The following DENND4C variants were observed in gnomAD, a reference collection of about 807,000 sequenced individuals.
DENND4C encodes the protein DENN domain containing 4C, also known as DENN domain-containing protein 4C.
A neutral mutation model predicts 203.0 loss-of-function variants in DENND4C; 108 were observed. The ratio of observed to expected loss-of-function variants is 0.53; its 90% CI spans 0.46 to 0.62. The LOEUF (loss-of-function observed/expected upper bound fraction) is 0.62. DENND4C is among the 20% of genes least tolerant of loss of function. The probability of loss-of-function intolerance (pLI) is 0.00; values close to 1 mark genes in which losing one functional copy is unlikely to be tolerated. For synonymous variants in DENND4C, 871 were observed against 792.4 expected, an observed-to-expected ratio of 1.10 and a Z score of -1.67; for missense variants, 2,481 against 2,301.2, an observed-to-expected ratio of 1.08 and a Z score of -1.60.
chr9:19,342,940 T>A (rs940639483), intron 22 of DENND4C, among the ~76,000 whole-genome samples, 161 bp downstream of exon 22: 1 of 152,184 alleles, frequency 6.6e-6, no homozygotes, highest in African/African-American at 2.4e-5. Flanking sequence ...ATTGAAAATA[T>A]TGTTATTTAA....
At chr9:19,336,194 C>A in intron 18 of DENND4C, 76 bp from the exon 19 acceptor site, 4 of 1,246,228 alleles carry the variant, frequency 3.2e-6, no homozygotes, top group Non-Finnish European at 4.4e-6. Flanking sequence ...TAAACATACA[C>A]ACACACATAT....
At chr9:19,241,312 G>A (rs1312955337) in intron 1 of DENND4C, among the ~76,000 whole-genome samples, 4 of 151,968 alleles carry the variant, frequency 2.6e-5, no homozygotes, top group African/African-American at 9.7e-5. Flanking sequence ...AAATACAAAC[G>A]CATTTTACAG....
chr9:19,346,819 C>G lies in DENND4C; in HGVS notation c.4050C>G (p.Ser1350=), dbSNP rs1029040142. 1.9e-6 allele frequency: 3 copies of G among 1,614,032 alleles called. No homozygotes were observed. The highest frequency in any genetic ancestry group is 2.2e-5 in the East Asian group (1 of 44,888). Residue 1350 remains serine (S), a synonymous_variant, in exon 23 of 33, where the codon TCC becomes TCG. Coordinates refer to ENST00000434457, the MANE Select transcript of DENND4C (RefSeq NM_001330640.2). ...PESEKSSPAV[S]RSKTFTGRFK... ...GTGAAAAGAGCTCACCTGCAGTGTC[C>G]AGGTCTAAAACTTTTACTGGGCGTT...
intron 5 of DENND4C, 87 bp downstream of exon 5, chr9:19,290,963 G>T: frequency 1.5e-6 from 2 of 1,313,992 alleles, no homozygotes. Context: ...TGAATGTTAG[G>T]ATTATTTGGA....
At chr9:19,276,908 A>C (rs1032209459) in intron 2 of DENND4C, among the ~76,000 whole-genome samples, 1 of 152,014 alleles carries the variant, frequency 6.6e-6, no homozygotes, top group African/African-American at 2.4e-5. Flanking sequence ...TTTTAAATAC[A>C]GTTGTAACGT....
intron 21 of DENND4C, among the ~76,000 whole-genome samples, 193 bp downstream of exon 21, chr9:19,341,307 CT>C (rs1369671422): frequency 7.5e-6 from 1 of 132,670 alleles, no homozygotes; most frequent in South Asian, 2.3e-4. Context: ...AACTTTCTTT[CT>C]TTCTTTTTTT....
rs577625941 is a variant in DENND4C at position 19,295,066 on chromosome 9, C to T, written c.802-942C>T. On this transcript the variant is annotated intron_variant, in intron 5 of 32. Coordinates refer to ENST00000434457, the MANE Select transcript of DENND4C (RefSeq NM_001330640.2). ...GGTACGTTTAATGTTATATATATTT[C>T]ACCCCAATTAAAAAAAAATCACAGG... Among the ~76,000 whole-genome samples the T allele has an allele frequency of 8.5e-5, 13 of 152,242 alleles. No homozygotes were observed. The East Asian group carries it at 2.5e-3, about 29-fold the overall frequency.
intron 2 of DENND4C, among the ~76,000 whole-genome samples, chr9:19,278,601 A>C (rs1004984347): frequency 6.6e-6 from 1 of 152,198 alleles, no homozygotes; most frequent in Non-Finnish European, 1.5e-5. Context: ...ACTCAGGCTG[A>C]AAAAGAGAAA....
chr9:19,335,768 C>G (rs773618552), intron 18 of DENND4C, among the ~76,000 whole-genome samples: 6 of 152,018 alleles, frequency 3.9e-5, no homozygotes, highest in Non-Finnish European at 8.8e-5. Flanking sequence ...TTGATAAACA[C>G]TTAGGTTGAT....
chr9:19,234,472 C>T (rs1481987558), intron 1 of DENND4C, among the ~76,000 whole-genome samples: 1 of 151,468 alleles, frequency 6.6e-6, no homozygotes, highest in Non-Finnish European at 1.5e-5. Context: ...ACTCGTTATC[C>T]ACCCACCTTG....
At chr9:19,262,072 AGTTCTTTTTTT>A (rs1234728196) in intron 1 of DENND4C, among the ~76,000 whole-genome samples, 1 of 86,356 alleles carries the variant, frequency 1.2e-5, no homozygotes, top group African/African-American at 4.1e-5. Context: ...TGAATTTATT[AGTTCTTTTTTT>A]TTTTTTTTTT....
At chr9:19,276,115 A>G in intron 1 of DENND4C, 43 bp from the exon 2 acceptor site, 1 of 1,042,644 alleles carries the variant, frequency 9.6e-7, no homozygotes, top group Non-Finnish European at 1.2e-6. Context: ...TTGTCAGGAT[A>G]AAGTATTTTA....
chr9:19,366,801 A>C (rs1827777085), intron 30 of DENND4C, among the ~76,000 whole-genome samples: 1 of 152,338 alleles, frequency 6.6e-6, no homozygotes, highest in East Asian at 1.9e-4. Flanking sequence ...TAGTTAGGCA[A>C]GGCCTTCAAA....
At chr9:19,351,968 C>A (rs550904667) in intron 24 of DENND4C, 105 bp from the exon 25 acceptor site, 3 of 829,240 alleles carry the variant, frequency 3.6e-6, no homozygotes, top group Non-Finnish European at 5.9e-6. Flanking sequence ...ACTTGAAAAA[C>A]AGTTGCAGAC....
At chr9:19,341,372 C>A (rs889386540) in intron 21 of DENND4C, among the ~76,000 whole-genome samples, 2 of 144,884 alleles carry the variant, frequency 1.4e-5, no homozygotes, top group Non-Finnish European at 3.0e-5. Context: ...AGTGCAGTGG[C>A]GAGAACATGT....
Position 19,357,949 on chromosome 9 carries a change from T to C in DENND4C, c.4965-16T>C. On this transcript the variant is annotated splice_polypyrimidine_tract_variant and intron_variant, in intron 27 of 32. Coordinates refer to ENST00000434457, the MANE Select transcript of DENND4C (RefSeq NM_001330640.2). ...TTCAACATGAACATAGCATTTCTTCTATATTTATTTTTAAGTGATGAAATA... is the reference window on the plus strand; with the variant it reads ...TTCAACATGAACATAGCATTTCTTCCATATTTATTTTTAAGTGATGAAATA... 1.3e-6 allele frequency: 2 copies of C among 1,570,690 alleles called. No individual in the cohort carries two copies. Among genetic ancestry groups the C allele is most frequent in the South Asian group, 2.3e-5 (2 of 87,044 alleles).
chr9:19,248,762 T>G (rs1006175034), intron 1 of DENND4C, among the ~76,000 whole-genome samples: 2 of 151,476 alleles, frequency 1.3e-5, no homozygotes, highest in African/African-American at 4.8e-5. Context: ...TCCCTTCCAC[T>G]TTCTCTCTGT....
chr9:19,296,310 T>G, intron 6 of DENND4C, 64 bp downstream of exon 6: 1 of 1,167,850 alleles, frequency 8.6e-7, no homozygotes, highest in South Asian at 1.5e-5. Context: ...TACATTTGTT[T>G]GTGTAATTTT....
Position 19,372,042 on chromosome 9 carries a change from T to C in DENND4C, c.5746T>C (p.Phe1916Leu), listed in dbSNP as rs145227325. 415 of 1,601,436 alleles carry C rather than the reference T, an allele frequency of 2.6e-4. No homozygotes were observed. Among genetic ancestry groups the C allele is most frequent in the Non-Finnish European group, 3.4e-4 (404 of 1,175,352 alleles). Residue 1916 changes from phenylalanine (F) to leucine (L), a missense_variant, in exon 33 of 33, where the codon TTT becomes CTT. Physicochemically the swap from Phe to Leu is conservative, Grantham distance 22. This residue lies in a region of DENND4C where 2,289 missense variants were observed against 2,113.3 expected (regional missense o/e 1.08). Coordinates refer to ENST00000434457, the MANE Select transcript of DENND4C (RefSeq NM_001330640.2). Reference protein sequence around the residue: ...LGRENIDIEAFDNEYGIAYNS... With the variant: ...LGRENIDIEALDNEYGIAYNS... ...TTTTTGAAAATTTCTTTCAGAGGCA[T>C]TTGACAATGAATATGGAATTGCATA...
Sources: gnomAD v4.1 joint callset for allele counts (sites outside exome capture counted in the v4.1 genomes callset) on GRCh38, gnomAD v4.1.1 for gene constraint, gnomAD v4.1.1 regional missense constraint, MANE v1.5 for transcripts, NCBI Gene and HGNC (gene_info 2026-07-23, HGNC 2026-07-21) for gene names.